Variants in NOP14 observed in about 807,000 individuals in gnomAD.
NOP14 encodes nucleolar protein 14.
A neutral mutation model predicts 101.6 loss-of-function variants in NOP14; 57 were observed. The ratio of observed to expected loss-of-function variants is 0.56; its 90% CI spans 0.45 to 0.70. The LOEUF (loss-of-function observed/expected upper bound fraction) is 0.70. NOP14 is among the 30% of genes least tolerant of loss of function. The probability of loss-of-function intolerance (pLI) is 0.00; values close to 1 mark genes in which losing one functional copy is unlikely to be tolerated. For missense variants in NOP14, 1,134 were observed against 1,075.5 expected (o/e 1.05, Z -0.76); for synonymous variants, 428 against 424.0 (o/e 1.01, Z -0.12).
Position 2,938,515 on chromosome 4 carries a change from AT to A in NOP14, c.*315del, listed in dbSNP as rs1054621229. On this transcript the variant is annotated 3_prime_UTR_variant, in exon 18 of 18. Transcript: ENST00000416614. ...GCAAAACTCCGTCTCAAAAAAAAAA[AT>A]TTTTTTTTAAGCGACACAGTCTTGC... The A allele has an allele frequency of 2.5e-4, 90 of 355,766 alleles. No homozygotes were observed. Among genetic ancestry groups the A allele is most frequent in the Middle Eastern group, 9.7e-4 (1 of 1,028 alleles). 22.0% of individuals were successfully genotyped at this position (355,766 alleles called of 1,614,324 possible).
chr4:2,950,283 A>T, intron 7 of NOP14, 70 bp from the exon 8 acceptor site: 2 of 1,508,124 alleles, frequency 1.3e-6, no homozygotes, highest in South Asian at 1.2e-5. Context: ...TCACAGCCAC[A>T]TCAAGAGGCT....
chr4:2,952,869 G>T (rs1715118140), intron 5 of NOP14, among the ~76,000 whole-genome samples: 1 of 152,262 alleles, frequency 6.6e-6, no homozygotes, highest in Non-Finnish European at 1.5e-5. Context: ...CTTGAACCCA[G>T]GAGGTGGAGG....
At chr4:2,957,480 G>C (rs974234295) in intron 2 of NOP14, 126 bp downstream of exon 2, 2 of 1,120,618 alleles carry the variant, frequency 1.8e-6, no homozygotes, top group African/African-American at 1.6e-5. Flanking sequence ...CACAGGATTC[G>C]AGGGCTATCC....
rs558519566 is a variant in NOP14, at chr4:2,942,182, C to G, written c.2051+10G>C. The G allele has an allele frequency of 6.2e-7, 1 of 1,612,166 alleles. No homozygotes were observed. Among genetic ancestry groups the G allele is most frequent in the Non-Finnish European group, 8.5e-7 (1 of 1,178,512 alleles). On this transcript the variant is annotated intron_variant, in intron 14 of 17. Coordinates refer to ENST00000416614, the MANE Select transcript of NOP14 (RefSeq NM_001291978.2). Reference sequence around the variant, plus strand: ...GGGCACAGGCCCCAAAGCGGGGTCCCCTCACATACCGGATGTGATTGGCCT... The same window carrying G: ...GGGCACAGGCCCCAAAGCGGGGTCCGCTCACATACCGGATGTGATTGGCCT...
rs184688525 is a variant in NOP14 at position 2,952,499 on chromosome 4, A to G, written c.748-102T>C. The G allele has an allele frequency of 6.9e-4, 743 of 1,084,008 alleles. 4 individuals are homozygous for G. Among genetic ancestry groups the G allele is most frequent in the Middle Eastern group, 5.7e-3 (18 of 3,170 alleles). 67.1% of individuals were successfully genotyped at this position (1,084,008 alleles called of 1,614,324 possible). A position where few individuals can be genotyped will look rare whatever the true frequency, so the allele number is the denominator to read the frequency against. ...CCTGGCACATTCTAGTAATGGCTAG[A>G]TAATGTTATTGAAGTAGCTAAGCCA... On this transcript the variant is annotated intron_variant, in intron 5 of 17. Transcript: ENST00000416614.
At position 2,938,097 on chromosome 4, in the gene NOP14, T is replaced by C. The variant is rs1713793887; in HGVS notation, c.*734A>G. On this transcript the variant is annotated 3_prime_UTR_variant, in exon 18 of 18. Coordinates refer to ENST00000416614, the MANE Select transcript of NOP14 (RefSeq NM_001291978.2). Reference sequence around the variant, plus strand: ...GTCGCAGCTGATAACACACAGACCATTCCCGATCCCAGAGGTGCATTTCAG... The same window carrying C: ...GTCGCAGCTGATAACACACAGACCACTCCCGATCCCAGAGGTGCATTTCAG... 1 of 909,072 alleles carries C rather than the reference T, an allele frequency of 1.1e-6. No homozygotes were observed. Among genetic ancestry groups the C allele is most frequent in the Non-Finnish European group, 1.5e-6 (1 of 662,602 alleles). The allele number at this position is 909,072 out of a possible 1,614,324, so 56.3% of individuals were successfully genotyped here.
intron 10 of NOP14, 59 bp downstream of exon 10, chr4:2,947,467 T>C: frequency 8.5e-7 from 1 of 1,180,776 alleles, no homozygotes; most frequent in Non-Finnish European, 1.3e-6. Flanking sequence ...TGACTCTAAA[T>C]GGGAGAAAAA....
rs1577849968 is a variant in NOP14, at chr4:2,957,681, A to C, written c.255T>G (p.Asp85Glu). 1.2e-6 allele frequency: 2 copies of C among 1,614,138 alleles called. No homozygotes were observed. The highest frequency in any genetic ancestry group is 2.2e-5 in the East Asian group (1 of 44,892). The change falls in exon 2 of 18, where the codon GAT (aspartate) becomes GAG (glutamate). Residue 85 changes from aspartate (D) to glutamate (E), a missense_variant. Asp to Glu is a conservative substitution (Grantham distance 45, BLOSUM62 2). Coordinates refer to ENST00000416614, the MANE Select transcript of NOP14 (RefSeq NM_001291978.2). ...TGCTGTTGTATTCTCCGAAGCGTTT[A>C]TCTCTGAATACATTGGATTTATCCC... is the stretch of plus-strand genomic sequence containing the variant. ...KERDKSNVFR[D>E]KRFGEYNSNM...
rs765068089 is a variant in NOP14 at position 2,948,395 on chromosome 4, A to G, written c.1296T>C (p.Tyr432=). The stretch of plus-strand genomic sequence containing the variant: ...CTAACAACAGAGATCTCAGTTCCTC[A>G]TAGGATTCAGGGGCTATCAAAAACA... The part of the protein sequence containing the change: ...LPYTFAAPES[Y]EELRSLLLGR... Residue 432 remains tyrosine (Y), a synonymous_variant, in exon 9 of 18, where the codon TAT becomes TAC. Transcript: ENST00000416614. 3.7e-6 allele frequency: 6 copies of G among 1,611,818 alleles called. No individual in the cohort carries two copies. The highest frequency in any genetic ancestry group is 3.4e-5 in the Admixed American group (2 of 59,420).
rs751793865 is a variant in NOP14 at position 2,942,285 on chromosome 4, C to A, written c.1958G>T (p.Arg653Ile). The change falls in exon 14 of 18, where the codon AGA becomes ATA. Residue 653 changes from arginine to isoleucine, a missense_variant. By Grantham distance (97) the Arg-to-Ile change is moderately conservative (BLOSUM62 -3). Transcript: ENST00000416614. ...CTGCTGCCACGTGGCCACATCCTCTCTAGCAGACACCACGAGCAGTTCCGA... is the reference window on the plus strand; with the variant it reads ...CTGCTGCCACGTGGCCACATCCTCTATAGCAGACACCACGAGCAGTTCCGA... Reference protein sequence around the residue: ...KNSELLVVSAREDVATWQQSS... With the variant: ...KNSELLVVSAIEDVATWQQSS... The A allele has an allele frequency of 3.1e-6, 5 of 1,614,186 alleles. No homozygotes were observed. In the South Asian group the frequency reaches 3.3e-5, roughly 11 times the overall value.
Position 2,963,320 on chromosome 4 carries a change from GGC to G in NOP14, c.-3_-2del. 1 of 1,574,066 alleles carries G rather than the reference GGC, an allele frequency of 6.4e-7. No homozygotes were observed. The highest frequency in any genetic ancestry group is 1.1e-5 in the South Asian group (1 of 88,170). On this transcript the variant is annotated 5_prime_UTR_variant, in exon 1 of 18. Transcript: ENST00000416614. ...CCCCGACCTTCTTCGCCTTCGCCAT[GGC>G]GCGCGCCCCGCTGCGCCCAAGGGCC...
At chr4:2,943,085 G>A (rs1350392397) in intron 13 of NOP14, among the ~76,000 whole-genome samples, 1 of 152,230 alleles carries the variant, frequency 6.6e-6, no homozygotes, top group Non-Finnish European at 1.5e-5. Context: ...GCTATCTACA[G>A]GTGGCTCTCC....
Position 2,948,382 on chromosome 4 carries a change from A to T in NOP14, c.1309T>A (p.Ser437Thr). The T allele has an allele frequency of 6.2e-7, 1 of 1,612,678 alleles. No homozygotes were observed. The highest frequency in any genetic ancestry group is 8.5e-7 in the Non-Finnish European group (1 of 1,179,618). Residue 437 changes from serine (S) to threonine (T), a missense_variant, in exon 9 of 18, where the codon TCT (serine) becomes ACT (threonine). Ser to Thr is a moderately conservative substitution (Grantham distance 58, BLOSUM62 1). Coordinates refer to ENST00000416614, the MANE Select transcript of NOP14 (RefSeq NM_001291978.2). ...AAPESYEELR[S>T]LLLGRSMEEQ... is the part of the protein sequence containing the mutation. ...TCCATCGATCTTCCTAACAACAGAG[A>T]TCTCAGTTCCTCATAGGATTCAGGG...
intron 1 of NOP14, among the ~76,000 whole-genome samples, chr4:2,960,682 T>C (rs1020036466): frequency 7.2e-6 from 1 of 139,762 alleles, no homozygotes; most frequent in African/African-American, 2.7e-5. Flanking sequence ...AATATTATAT[T>C]AATATTATAA....
rs1359759158 is a variant in NOP14, at chr4:2,949,963, G to A, written c.1253C>T (p.Thr418Ile). ...GAACGTGTAGGGCAGCTCGTCTCTG[G>A]TAGCTTTTCCAGCTCTTTCCTTGCC... ...ISGKERAGKATRDELPYTFAA... is the reference protein window; with the variant it reads ...ISGKERAGKAIRDELPYTFAA... The change falls in exon 8 of 18, where the codon ACC becomes ATC. Residue 418 changes from threonine to isoleucine, a missense_variant. Transcript: ENST00000416614. 6.2e-7 allele frequency: 1 copy of A among 1,614,006 alleles called. No homozygotes were observed. Among genetic ancestry groups the A allele is most frequent in the Non-Finnish European group, 8.5e-7 (1 of 1,180,036 alleles).
intron 17 of NOP14, 55 bp downstream of exon 17, chr4:2,939,133 C>T (rs1003154748): frequency 6.2e-7 from 1 of 1,606,900 alleles, no homozygotes; most frequent in South Asian, 1.1e-5. Context: ...CAGGGCCACA[C>T]AGCACCAAAG....
Position 2,963,292 on chromosome 4 carries a change from G to C in NOP14, c.28C>G (p.Arg10Gly). 1 of 1,594,822 alleles carries C rather than the reference G, an allele frequency of 6.3e-7. No individual in the cohort carries two copies. The highest frequency in any genetic ancestry group is 8.5e-7 in the Non-Finnish European group (1 of 1,173,230). MAKAKKVGA[R>G]RKASGAPAGA... Reference sequence around the variant, plus strand: ...GCCGGCGCCCCGGAGGCCTTCCTTCGCGCCCCGACCTTCTTCGCCTTCGCC... The same window carrying C: ...GCCGGCGCCCCGGAGGCCTTCCTTCCCGCCCCGACCTTCTTCGCCTTCGCC... The change falls in exon 1 of 18, where the codon CGA becomes GGA. Residue 10 changes from arginine (R) to glycine (G), a missense_variant. By Grantham distance (125) the Arg-to-Gly change is moderately radical (BLOSUM62 -2). Transcript: ENST00000416614.
chr4:2,946,359 T>C (rs1714645638), intron 11 of NOP14, 53 bp downstream of exon 11: 11 of 1,606,580 alleles, frequency 6.8e-6, no homozygotes, highest in Non-Finnish European at 8.5e-6. Context: ...CCTTCTGTGA[T>C]GCCAAACAGA....
chr4:2,960,791 TTAA>T (rs59219646), intron 1 of NOP14, among the ~76,000 whole-genome samples: 2 of 92,604 alleles, frequency 2.2e-5, no homozygotes, highest in South Asian at 2.8e-4. Context: ...TATAATCACA[TTAA>T]TATTAATATA....
Sources: gnomAD v4.1 joint callset for allele counts (sites outside exome capture counted in the v4.1 genomes callset) on GRCh38, gnomAD v4.1.1 for gene constraint, MANE v1.5 for transcripts, NCBI Gene and HGNC (gene_info 2026-07-23, HGNC 2026-07-21) for gene names.